The following MROH1 variants were observed in gnomAD, a reference collection of about 807,000 sequenced individuals.
MROH1 encodes the protein maestro heat-like repeat-containing protein family member 1.
Under a neutral mutation model 116.5 loss-of-function variants are expected in MROH1, and 117 were observed. The observed-to-expected ratio is 1.00, with a 90% CI of 0.86 to 1.17. MROH1 has a LOEUF of 1.17. Ranked by LOEUF, MROH1 falls within the 50% of genes most tolerant of loss-of-function variation. MROH1 has a pLI of 0.00. For synonymous variants in MROH1, 921 were observed against 583.9 expected (o/e 1.58, Z -8.32); for missense variants, 1,873 against 1,338.5 (o/e 1.40, Z -6.23).
intron 4 of MROH1, among the ~76,000 whole-genome samples, chr8:144,176,372 CAAA>C (rs61508054): frequency 2.1e-5 from 3 of 139,776 alleles, no homozygotes; most frequent in African/African-American, 8.0e-5. Context: ...GACTGCATCT[CAAA>C]AAAAAAAAAA....
chr8:144,261,633 A>T (rs1385014421), intron 43 of MROH1, 22 bp from the exon 44 acceptor site: 18 of 705,422 alleles, frequency 2.6e-5, no homozygotes, highest in Admixed American at 1.2e-4. Flanking sequence ...GCCCGCAGGC[A>T]GCCCCCCTCC....
intron 7 of MROH1, among the ~76,000 whole-genome samples, chr8:144,186,008 T>C (rs1009489564): frequency 2.0e-5 from 3 of 152,014 alleles, no homozygotes; most frequent in African/African-American, 7.3e-5. Context: ...CAGCGAGTGC[T>C]CCAGGAGAGT....
intron 4 of MROH1, among the ~76,000 whole-genome samples, chr8:144,169,621 T>C (rs1156891524): frequency 6.7e-6 from 1 of 148,582 alleles, no homozygotes; most frequent in African/African-American, 2.5e-5. Context: ...ACGGCTAATT[T>C]TGTATTTTTA....
intron 12 of MROH1, among the ~76,000 whole-genome samples, chr8:144,207,971 G>A (rs2132034088): frequency 6.7e-6 from 1 of 148,644 alleles, no homozygotes; most frequent in Non-Finnish European, 1.5e-5. Flanking sequence ...TTGAGACAGA[G>A]TTTTGCTGTT....
At chr8:144,222,981 T>C (rs1837104064) in intron 13 of MROH1, 127 bp from the exon 14 acceptor site, 5 of 1,357,954 alleles carry the variant, frequency 3.7e-6, no homozygotes, top group East Asian at 2.5e-5. Context: ...CAGGTGTCAG[T>C]GTAACTGCAG....
intron 32 of MROH1, 78 bp from the exon 33 acceptor site, chr8:144,250,134 A>ACC: frequency 1.4e-6 from 1 of 717,072 alleles, no homozygotes; most frequent in South Asian, 1.5e-5. Flanking sequence ...TCATGGCCCC[A>ACC]CCCCCTTGGG....
chr8:144,178,270 T>A (rs1019274234), intron 4 of MROH1, among the ~76,000 whole-genome samples: 1 of 152,164 alleles, frequency 6.6e-6, no homozygotes, highest in African/African-American at 2.4e-5. Flanking sequence ...TAGCTGGGAC[T>A]ACAGGTGTGC....
rs1385069749 is a variant in MROH1, at chr8:144,159,615, T to A, written c.-176-1355T>A. On this transcript the variant is annotated intron_variant, in intron 1 of 43. Transcript: ENST00000326134. ...TCGTAGTGTTAACATATTTAATCTT[T>A]CCTGTAGTTTCTCAAACATATGAAA... Among the ~76,000 whole-genome samples, 5 of 152,316 alleles carry A rather than the reference T, an allele frequency of 3.3e-5. 1 individual carries two copies. The South Asian group carries it at 1.0e-3, about 32-fold the overall frequency.
chr8:144,226,352 A>T (rs150811829), intron 14 of MROH1, among the ~76,000 whole-genome samples: 13 of 152,324 alleles, frequency 8.5e-5, no homozygotes, highest in African/African-American at 3.1e-4. Context: ...CTTCGTCGAA[A>T]ATCAGGCAAC....
intron 4 of MROH1, among the ~76,000 whole-genome samples, chr8:144,170,021 T>TG (rs1822049259): frequency 6.6e-6 from 1 of 152,118 alleles, no homozygotes; most frequent in Non-Finnish European, 1.5e-5. Context: ...TTAGTAGAGA[T>TG]GGGGTTTCAC....
intron 1 of MROH1, among the ~76,000 whole-genome samples, chr8:144,159,711 G>T (rs886364074): frequency 6.6e-6 from 1 of 150,896 alleles, no homozygotes; most frequent in African/African-American, 2.4e-5. Context: ...GTTTGTATTG[G>T]TTGGTTCATC....
Position 144,249,018 on chromosome 8 carries a change from C to T in MROH1, c.3262C>T (p.Leu1088Phe), listed in dbSNP as rs1460797214. Reference sequence around the variant, plus strand: ...CCTGCTGCAGGAGCGGGGCGGTGTGCTCCAGGAGAAGGTGGGAGAGGGCGG... The same window carrying T: ...CCTGCTGCAGGAGCGGGGCGGTGTGTTCCAGGAGAAGGTGGGAGAGGGCGG... The part of the protein sequence containing the change: ...NCLLQERGGV[L>F]QEKVPEIVSV... The change falls in exon 32 of 44, where the codon CTC becomes TTC. Residue 1088 changes from leucine (L) to phenylalanine (F), a missense_variant. Transcript: ENST00000326134. 1.4e-6 allele frequency: 1 copy of T among 712,150 alleles called. No individual in the cohort carries two copies. Among genetic ancestry groups the T allele is most frequent in the African/African-American group, 1.8e-5 (1 of 57,098 alleles). The allele number at this position is 712,150 out of a possible 1,614,324, so 44.1% of individuals were successfully genotyped here.
intron 7 of MROH1, among the ~76,000 whole-genome samples, chr8:144,185,397 A>C (rs1384339825): frequency 6.6e-6 from 1 of 151,914 alleles, no homozygotes; most frequent in East Asian, 2.0e-4. Context: ...TTTTATACCT[A>C]GTTCTTTGAA....
chr8:144,190,491 G>T (rs891919761), intron 7 of MROH1, among the ~76,000 whole-genome samples: 3 of 152,204 alleles, frequency 2.0e-5, no homozygotes, highest in African/African-American at 7.2e-5. Flanking sequence ...CTGCATTCCA[G>T]CCTGGGTGAC....
chr8:144,193,858 C>G (rs1293664777), intron 10 of MROH1, among the ~76,000 whole-genome samples: 1 of 150,468 alleles, frequency 6.6e-6, no homozygotes, highest in Non-Finnish European at 1.5e-5. Flanking sequence ...ATCCACCTGC[C>G]TCGGCCTCCC....
intron 33 of MROH1, chr8:144,252,610 G>A (rs1843019702): frequency 6.6e-6 from 1 of 151,526 alleles, no homozygotes; most frequent in Admixed American, 6.6e-5. Context: ...GGAGCTTGCA[G>A]TGAGTTGAGA....
chr8:144,260,303 C>G lies in MROH1; in HGVS notation c.4309C>G (p.Leu1437Val). Reference protein sequence around the residue: ...AMLGLARLVHLVESWDLRSGL... With the variant: ...AMLGLARLVHVVESWDLRSGL... ...GCTGGGCCTTGCGAGGCTGGTGCAC[C>G]TGGTGGAGTCCTGGGACCTGCGCTC... is the stretch of plus-strand genomic sequence containing the variant. Residue 1437 changes from leucine to valine, a missense_variant, in exon 39 of 44, where the codon CTG (leucine) becomes GTG (valine). By Grantham distance (32) the Leu-to-Val change is conservative (BLOSUM62 1). Coordinates refer to ENST00000326134, the MANE Select transcript of MROH1 (RefSeq NM_032450.3). 3 of 752,714 alleles carry G rather than the reference C, an allele frequency of 4.0e-6. No individual in the cohort carries two copies. Among genetic ancestry groups the G allele is most frequent in the East Asian group, 5.0e-5 (2 of 40,238 alleles). The allele number at this position is 752,714 out of a possible 1,614,324, so 46.6% of individuals were successfully genotyped here.
At chr8:144,186,847 C>T (rs894036488) in intron 7 of MROH1, among the ~76,000 whole-genome samples, 123 of 152,212 alleles carry the variant, frequency 8.1e-4, no homozygotes, top group African/African-American at 2.8e-3. Context: ...AATCCTAGCA[C>T]TTTGGGAGGC....
chr8:144,192,487 T>TG, intron 10 of MROH1, 86 bp downstream of exon 10: 1 of 1,200,876 alleles, frequency 8.3e-7, no homozygotes, highest in Non-Finnish European at 1.2e-6. Flanking sequence ...GAAAGCAAGT[T>TG]GGGGTGGATG....
Sources: gnomAD v4.1 joint callset for allele counts (sites outside exome capture counted in the v4.1 genomes callset) on GRCh38, gnomAD v4.1.1 for gene constraint, MANE v1.5 for transcripts, NCBI Gene and HGNC (gene_info 2026-07-23, HGNC 2026-07-21) for gene names.